Variants in NKD1 observed in about 807,000 individuals in gnomAD.
NKD1 encodes protein naked cuticle homolog 1.
A neutral mutation model predicts 56.0 loss-of-function variants in NKD1; 21 were observed. That is an observed-to-expected ratio of 0.38 (90% CI 0.27 to 0.54). The LOEUF is 0.54. Among genes scored for constraint, NKD1 ranks in the 20% least tolerant of loss-of-function variants. The pLI is 0.82. For synonymous variants in NKD1, 263 were observed against 265.7 expected, an observed-to-expected ratio of 0.99 and a Z score of 0.10; for missense variants, 578 against 642.7, an observed-to-expected ratio of 0.90 and a Z score of 1.09.
At chr16:50,602,201 G>C (rs762943208) in intron 3 of NKD1, among the ~76,000 whole-genome samples, 6 of 152,144 alleles carry the variant, frequency 3.9e-5, no homozygotes, top group Admixed American at 6.5e-5. Context: ...GCAGGGGAGA[G>C]GTATATGTGA....
At chr16:50,558,198 T>C (rs1020538697) in intron 3 of NKD1, 5 of 152,246 alleles carry the variant, frequency 3.3e-5, no homozygotes, top group Non-Finnish European at 7.3e-5. Flanking sequence ...AAACACCTTC[T>C]TTGGGTGACT....
intron 3 of NKD1, among the ~76,000 whole-genome samples, chr16:50,593,476 G>A (rs1255307575): frequency 6.6e-6 from 1 of 152,138 alleles, no homozygotes; most frequent in East Asian, 1.9e-4. Flanking sequence ...GTAGGGTCAG[G>A]CTCTCAGCTC....
At chr16:50,548,890 CCT>C in intron 2 of NKD1, 141 bp downstream of exon 2, 1 of 1,137,528 alleles carries the variant, frequency 8.8e-7, no homozygotes, top group Non-Finnish European at 1.1e-6. Context: ...AAGCCCGCTC[CCT>C]GAGCAGCCTT....
intron 3 of NKD1, among the ~76,000 whole-genome samples, chr16:50,573,392 C>A (rs540394693): frequency 6.6e-6 from 1 of 152,230 alleles, no homozygotes; most frequent in South Asian, 2.1e-4. Context: ...CTTCTCCCCC[C>A]ATCAGGTTAA....
intron 3 of NKD1, among the ~76,000 whole-genome samples, chr16:50,582,744 C>G (rs967338072): frequency 6.6e-6 from 1 of 152,114 alleles, no homozygotes; most frequent in Non-Finnish European, 1.5e-5. Flanking sequence ...CGCAGTGGCG[C>G]ACGCCTGTAA....
chr16:50,581,306 C>G (rs1401249187), intron 3 of NKD1, among the ~76,000 whole-genome samples: 1 of 152,210 alleles, frequency 6.6e-6, no homozygotes, highest in Non-Finnish European at 1.5e-5. Flanking sequence ...ATTCTCAGAG[C>G]CTTCACTGTC....
chr16:50,554,322 C>T (rs901390531), intron 3 of NKD1, among the ~76,000 whole-genome samples: 2 of 152,112 alleles, frequency 1.3e-5, no homozygotes, highest in African/African-American at 4.8e-5. Flanking sequence ...GATCGATGGA[C>T]AGTGTTGTTG....
intron 3 of NKD1, among the ~76,000 whole-genome samples, chr16:50,573,201 G>T (rs1236091282): frequency 6.6e-6 from 1 of 152,202 alleles, no homozygotes; most frequent in Non-Finnish European, 1.5e-5. Context: ...GAAGGTCTTT[G>T]TTATTTCTTT....
chr16:50,550,005 C>T (rs2151260787), intron 3 of NKD1, among the ~76,000 whole-genome samples: 1 of 152,196 alleles, frequency 6.6e-6, no homozygotes, highest in African/African-American at 2.4e-5. Flanking sequence ...TTCATCAGTA[C>T]CACCTGTACA....
chr16:50,569,304 G>C (rs768288731), intron 3 of NKD1, among the ~76,000 whole-genome samples: 15 of 152,170 alleles, frequency 9.9e-5, no homozygotes, highest in Non-Finnish European at 1.8e-4. Context: ...CTGCTTCCAA[G>C]GTTCTGCTTG....
intron 3 of NKD1, chr16:50,566,270 A>C (rs1402160246): frequency 1.3e-5 from 9 of 682,126 alleles, no homozygotes; most frequent in Non-Finnish European, 1.6e-5. Flanking sequence ...CCACCAGCCC[A>C]AACTATGTCC....
At chr16:50,593,466 G>A (rs944035415) in intron 3 of NKD1, among the ~76,000 whole-genome samples, 6 of 152,172 alleles carry the variant, frequency 3.9e-5, no homozygotes, top group Non-Finnish European at 8.8e-5. Context: ...AGTGCTCTCA[G>A]TAGGGTCAGG....
At chr16:50,556,815 C>T (rs929512607) in intron 3 of NKD1, 24 of 150,200 alleles carry the variant, frequency 1.6e-4, no homozygotes, top group African/African-American at 5.7e-4. Context: ...CTCAAATGAT[C>T]CTCCTGCCTT....
rs533179001 is a variant in NKD1 at position 50,646,533 on chromosome 16, C to G, written c.*12752C>G. The G allele has an allele frequency of 6.6e-6, 1 of 152,200 alleles. No individual in the cohort carries two copies. Among genetic ancestry groups the G allele is most frequent in the Non-Finnish European group, 1.5e-5 (1 of 68,040 alleles). The allele number at this position is 152,200 out of a possible 1,614,324, so 9.4% of individuals were successfully genotyped here. A position where few individuals can be genotyped will look rare whatever the true frequency, so the allele number is the denominator to read the frequency against. On this transcript the variant is annotated 3_prime_UTR_variant, in exon 10 of 10. Coordinates refer to ENST00000268459, the MANE Select transcript of NKD1 (RefSeq NM_033119.5). ...GGTGCTGGGAGGCAGGGACTGGGGC[C>G]GGGCGGGTCCACCCAGGCTGTGGGT...
chr16:50,572,040 A>G (rs1960896727), intron 3 of NKD1, among the ~76,000 whole-genome samples: 1 of 151,972 alleles, frequency 6.6e-6, no homozygotes, highest in Non-Finnish European at 1.5e-5. Context: ...GCAGCTGGAG[A>G]TGCTTCCCAG....
chr16:50,602,829 C>G (rs1279442294), intron 3 of NKD1, among the ~76,000 whole-genome samples: 1 of 152,244 alleles, frequency 6.6e-6, no homozygotes, highest in Non-Finnish European at 1.5e-5. Flanking sequence ...TGGCGTCCCT[C>G]TCGTGTGGCA....
Position 50,621,716 on chromosome 16 carries a change from T to G in NKD1, c.366+8T>G. 11 of 1,608,552 alleles carry G rather than the reference T, an allele frequency of 6.8e-6. No individual in the cohort carries two copies. Among genetic ancestry groups the G allele is most frequent in the Non-Finnish European group, 9.4e-6 (11 of 1,175,710 alleles). ...AAGCAGCTGAAGTTTGAAGTAAGTT[T>G]CCTTTTGGTGCTGGGTCCTGAGGAG... On this transcript the variant is annotated splice_region_variant and intron_variant, in intron 5 of 9. Coordinates refer to ENST00000268459, the MANE Select transcript of NKD1 (RefSeq NM_033119.5).
rs905807962 is a variant in NKD1, at chr16:50,633,683, G to C, written c.1315G>C (p.Val439Leu). The C allele has an allele frequency of 8.1e-6, 13 of 1,600,682 alleles. No homozygotes were observed. The highest frequency in any genetic ancestry group is 8.5e-6 in the Non-Finnish European group (10 of 1,174,296). ...REHLRELPAL[V>L]VYESQAGQPV... ...GCACCTGCGGGAGCTGCCCGCCTTG[G>C]TGGTGTATGAGAGCCAGGCCGGGCA... Residue 439 changes from valine (V) to leucine (L), a missense_variant, in exon 10 of 10, where the codon GTG (valine) becomes CTG (leucine). Coordinates refer to ENST00000268459, the MANE Select transcript of NKD1 (RefSeq NM_033119.5). The surrounding 1 kb of genome is among the most constrained non-coding windows in gnomAD (Gnocchi z 4.9).
chr16:50,632,566 A>G lies in NKD1; in HGVS notation c.823+158A>G, dbSNP rs1962370658. On this transcript the variant is annotated intron_variant, in intron 9 of 9. Transcript: ENST00000268459. This position sits in a 1 kb window ranked among gnomAD's most constrained non-coding sequence, Gnocchi z 4.1. Reference sequence around the variant, plus strand: ...CTTCTTGGAGAAAGTGACGTTAAAAATGGTTTCAAAATTAAAGTAATACAT... The same window carrying G: ...CTTCTTGGAGAAAGTGACGTTAAAAGTGGTTTCAAAATTAAAGTAATACAT... Among the ~76,000 whole-genome samples the G allele has an allele frequency of 6.6e-6, 1 of 152,226 alleles. No homozygotes were observed. The highest frequency in any genetic ancestry group is 6.5e-5 in the Admixed American group (1 of 15,280).
Sources: allele counts gnomAD v4.1 joint callset (sites outside exome capture counted in the v4.1 genomes callset), GRCh38; gene constraint gnomAD v4.1.1; non-coding constraint Gnocchi (gnomAD v3.1); transcripts MANE v1.5; gene names NCBI Gene and HGNC (gene_info 2026-07-23, HGNC 2026-07-21).